PPL: variants seen among roughly 807,000 people sequenced by gnomAD.
PPL encodes periplakin.
A neutral mutation model predicts 194.4 loss-of-function variants in PPL; 198 were observed. The observed-to-expected ratio is 1.02, with a 90% confidence interval of 0.91 to 1.15. PPL has a LOEUF of 1.15. PPL is among the 50% of genes most tolerant of loss of function. The probability of loss-of-function intolerance (pLI) is 0.00; values close to 1 mark genes in which losing one functional copy is unlikely to be tolerated. For synonymous variants in PPL, 1,220 were observed against 972.4 expected (o/e 1.25, Z -4.74); for missense variants, 2,885 against 2,294.8 (o/e 1.26, Z -5.25).
At chr16:4,931,615 G>A (rs2089226443) in intron 1 of PPL, among the ~76,000 whole-genome samples, 1 of 152,122 alleles carries the variant, frequency 6.6e-6, no homozygotes, top group African/African-American at 2.4e-5. Context: ...GGTAACACCG[G>A]CACAGACCTG....
At chr16:4,914,731 G>A (rs934288603) in intron 1 of PPL, among the ~76,000 whole-genome samples, 1 of 152,202 alleles carries the variant, frequency 6.6e-6, no homozygotes, top group East Asian at 1.9e-4. Flanking sequence ...AGTGGAGAAA[G>A]CCAGTGTTTG....
chr16:4,936,472 T>TG (rs1009447191), intron 1 of PPL, among the ~76,000 whole-genome samples: 1 of 152,132 alleles, frequency 6.6e-6, no homozygotes, highest in African/African-American at 2.4e-5. Flanking sequence ...CAGGAACACT[T>TG]GCGCGGTCTC....
In PPL at chr16:4,884,570, G is replaced by C. The variant is rs374311708; in HGVS notation, c.4085C>G (p.Pro1362Arg). 43 of 1,613,884 alleles carry C rather than the reference G, an allele frequency of 2.7e-5. No individual in the cohort carries two copies. The African/African-American group carries it at 5.1e-4, about 19-fold the overall frequency. Reference protein sequence around the residue: ...QQEVVRYEEEPGLRAEASAFA... With the variant: ...QQEVVRYEEERGLRAEASAFA... Reference sequence around the variant, plus strand: ...GGCGCTCGCCTCGGCCCGCAGGCCTGGCTCCTCCTCATACCTGACCACCTC... The same window carrying C: ...GGCGCTCGCCTCGGCCCGCAGGCCTCGCTCCTCCTCATACCTGACCACCTC... The change falls in exon 22 of 22, where the codon CCA becomes CGA. Residue 1362 changes from proline (P) to arginine (R), a missense_variant. Pro to Arg is a moderately radical substitution (Grantham distance 103). Transcript: ENST00000345988. The surrounding 1 kb of genome is among the most constrained non-coding windows in gnomAD (Gnocchi z 5.7).
At position 4,887,213 on chromosome 16, in the gene PPL, G is replaced by A. The variant is rs745852699; in HGVS notation, c.2529C>T (p.Ala843=). The part of the protein sequence containing the change: ...TKVKEEEAAL[A]AKFTEVYAIN... ...TGGCATAAACTTCAGTGAACTTGGC[G>A]GCAAGTGCTGCTTCCTGCAGAGAAG... is the stretch of plus-strand genomic sequence containing the variant. The change falls in exon 21 of 22, where the codon GCC becomes GCT. Residue 843 remains alanine, a synonymous_variant. Coordinates refer to ENST00000345988, the MANE Select transcript of PPL (RefSeq NM_002705.5). 8.7e-6 allele frequency: 14 copies of A among 1,613,762 alleles called. No individual in the cohort carries two copies. The highest frequency in any genetic ancestry group is 2.2e-5 in the South Asian group (2 of 91,082).
intron 1 of PPL, among the ~76,000 whole-genome samples, chr16:4,927,890 G>C (rs1037042477): frequency 6.6e-6 from 1 of 152,174 alleles, no homozygotes; most frequent in African/African-American, 2.4e-5. Flanking sequence ...TAACACCAAG[G>C]CAGGTCTTGA....
chr16:4,936,886 C>T (rs1202633362), intron 1 of PPL, 98 bp downstream of exon 1: 2 of 1,253,716 alleles, frequency 1.6e-6, no homozygotes, highest in East Asian at 3.0e-5. Context: ...CCTGGACCCC[C>T]GTACCCCCCA....
rs2088140706 is a variant in PPL, at chr16:4,883,478, T to C, written c.5177A>G (p.Gln1726Arg). 6.2e-7 allele frequency: 1 copy of C among 1,614,112 alleles called. No homozygotes were observed. The highest frequency in any genetic ancestry group is 1.3e-5 in the African/African-American group (1 of 74,936). Residue 1726 changes from glutamine (Q) to arginine (R), a missense_variant, in exon 22 of 22, where the codon CAG becomes CGG. Gln to Arg is a conservative substitution (Grantham distance 43, BLOSUM62 1). Transcript: ENST00000345988. This position sits in a 1 kb window ranked among gnomAD's most constrained non-coding sequence, Gnocchi z 4.8. ...GKKFSIEEAL[Q>R]SGRLTPAQYD... ...CTGAGCAGGGGTCAGCCTGCCACTC[T>C]GCAGGGCCTCTTCGATGGAGAACTT...
At position 4,883,959 on chromosome 16, in the gene PPL, G is replaced by T; in HGVS notation, c.4696C>A (p.His1566Asn). The change falls in exon 22 of 22, where the codon CAC (histidine) becomes AAC (asparagine). Residue 1566 changes from histidine to asparagine, a missense_variant. Physicochemically the swap from His to Asn is moderately conservative, Grantham distance 68. Coordinates refer to ENST00000345988, the MANE Select transcript of PPL (RefSeq NM_002705.5). This position sits in a 1 kb window ranked among gnomAD's most constrained non-coding sequence, Gnocchi z 4.8. ...KELDFLREEN[H>N]KLQLERQNLQ... The stretch of plus-strand genomic sequence containing the variant: ...TTTTGCCTCTCCAGCTGTAATTTGT[G>T]GTTCTCTTCCCTCAGAAAGTCTAGT... The T allele has an allele frequency of 6.2e-7, 1 of 1,614,052 alleles. No homozygotes were observed. Among genetic ancestry groups the T allele is most frequent in the Non-Finnish European group, 8.5e-7 (1 of 1,180,004 alleles).
At chr16:4,911,089 C>T in intron 1 of PPL, 140 bp from the exon 2 acceptor site, 1 of 620,492 alleles carries the variant, frequency 1.6e-6, no homozygotes, top group East Asian at 3.0e-5. Flanking sequence ...GGTAGTTGGG[C>T]TGTTCCCATA....
chr16:4,926,723 A>C (rs796779933), intron 1 of PPL, among the ~76,000 whole-genome samples: 25 of 152,044 alleles, frequency 1.6e-4, no homozygotes, highest in African/African-American at 6.0e-4. Context: ...TAAATACAAA[A>C]ACAAAAATAG....
intron 1 of PPL, among the ~76,000 whole-genome samples, chr16:4,934,019 C>T (rs570507118): frequency 1.2e-4 from 19 of 152,328 alleles, no homozygotes; most frequent in African/African-American, 4.6e-4. Context: ...ATTCCCATCC[C>T]ACAGGTGAGA....
At chr16:4,933,323 C>A (rs566299811) in intron 1 of PPL, among the ~76,000 whole-genome samples, 2 of 152,284 alleles carry the variant, frequency 1.3e-5, no homozygotes, top group East Asian at 3.9e-4. Flanking sequence ...GTTGCAAGAC[C>A]CGTCTAGGCA....
chr16:4,898,924 C>T (rs1264008170), intron 8 of PPL, 89 bp downstream of exon 8: 43 of 1,023,508 alleles, frequency 4.2e-5, no homozygotes, highest in Middle Eastern at 4.9e-4. Flanking sequence ...CCCCCAGCTC[C>T]GGGGTCTGCC....
chr16:4,892,331 C>A, intron 14 of PPL, 118 bp from the exon 15 acceptor site: 1 of 1,110,580 alleles, frequency 9.0e-7, no homozygotes, highest in South Asian at 1.6e-5. Context: ...CTGGAGAGGC[C>A]TGGCACATTC....
chr16:4,929,209 G>T (rs1223705650), intron 1 of PPL, among the ~76,000 whole-genome samples: 1 of 151,930 alleles, frequency 6.6e-6, no homozygotes, highest in Non-Finnish European at 1.5e-5. Flanking sequence ...ACCTTTCCCA[G>T]TTCTGGTCCC....
rs746956973 is a variant in PPL at position 4,885,642 on chromosome 16, C to T, written c.3013G>A (p.Ala1005Thr). The T allele has an allele frequency of 3.1e-6, 5 of 1,612,954 alleles. No individual in the cohort carries two copies. The highest frequency in any genetic ancestry group is 4.2e-6 in the Non-Finnish European group (5 of 1,179,748). The change falls in exon 22 of 22, where the codon GCC becomes ACC. Residue 1005 changes from alanine (A) to threonine (T), a missense_variant. Physicochemically the swap from Ala to Thr is moderately conservative, Grantham distance 58 (BLOSUM62 0). Transcript: ENST00000345988. The surrounding 1 kb of genome is among the most constrained non-coding windows in gnomAD (Gnocchi z 6.3). The stretch of plus-strand genomic sequence containing the variant: ...AGCTGCAAGACCTCATCCGCCTGGG[C>T]CCTGTCAGGCTCGATGCGCAGGACC... ...KEVLRIEPDRAQADEVLQLRE... is the reference protein window; with the variant it reads ...KEVLRIEPDRTQADEVLQLRE...
chr16:4,912,815 G>C (rs2088844043), intron 1 of PPL, among the ~76,000 whole-genome samples: 2 of 152,182 alleles, frequency 1.3e-5, no homozygotes, highest in South Asian at 4.1e-4. Context: ...GCCTGAAAGA[G>C]ACTTGAGGCC....
At position 4,916,248 on chromosome 16, in the gene PPL, T is replaced by A. The variant is rs377157974; in HGVS notation, c.63-5299A>T. On this transcript the variant is annotated intron_variant, in intron 1 of 21. Coordinates refer to ENST00000345988, the MANE Select transcript of PPL (RefSeq NM_002705.5). Reference sequence around the variant, plus strand: ...ATTTTTTTGAGACAGGGTCTCACCCTGTTGCCCAGGCTGGAGTGCACTGGC... The same window carrying A: ...ATTTTTTTGAGACAGGGTCTCACCCAGTTGCCCAGGCTGGAGTGCACTGGC... 2.0e-5 allele frequency among the ~76,000 whole-genome samples: 3 copies of A among 152,318 alleles called. No individual in the cohort carries two copies. In the East Asian group the frequency reaches 5.8e-4, roughly 29 times the overall value.
At chr16:4,903,830 G>A (rs983795240) in intron 3 of PPL, 56 bp downstream of exon 3, 46 of 1,597,380 alleles carry the variant, frequency 2.9e-5, no homozygotes, top group Non-Finnish European at 3.5e-5. Flanking sequence ...AGGACCCCCC[G>A]CCCTGGCCCA....
Sources: gnomAD v4.1 joint callset for allele counts (sites outside exome capture counted in the v4.1 genomes callset) on GRCh38, gnomAD v4.1.1 for gene constraint, Gnocchi (gnomAD v3.1) non-coding constraint, MANE v1.5 for transcripts, NCBI Gene and HGNC (gene_info 2026-07-23, HGNC 2026-07-21) for gene names.